Variants in SHTN1 observed in about 807,000 individuals in gnomAD.
SHTN1 encodes the protein shootin-1.
In SHTN1, 42 loss-of-function variants were observed where a neutral mutation model predicts 83.1. That is an observed-to-expected ratio of 0.51 (90% CI 0.39 to 0.65). SHTN1 has a LOEUF of 0.65. Among genes scored for constraint, SHTN1 ranks in the 30% least tolerant of loss-of-function variants. The probability of loss-of-function intolerance (pLI) is 0.00; values close to 1 mark genes in which losing one functional copy is unlikely to be tolerated. For missense variants in SHTN1, 622 were observed against 737.8 expected (o/e 0.84, Z 1.82); for synonymous variants, 224 against 247.7 (o/e 0.90, Z 0.90).
At chr10:116,911,450 T>C in intron 14 of SHTN1, 3 of 1,546,926 alleles carry the variant, frequency 1.9e-6, no homozygotes, top group Non-Finnish European at 2.6e-6. Flanking sequence ...TATTCATCTA[T>C]TATATTTCTG....
chr10:117,024,260 A>G (rs1036541190), intron 2 of SHTN1, among the ~76,000 whole-genome samples: 10 of 151,848 alleles, frequency 6.6e-5, no homozygotes, highest in African/African-American at 2.2e-4. Flanking sequence ...ACTGAAAAAG[A>G]GCATGAAGCA....
intron 2 of SHTN1, 86 bp downstream of exon 2, chr10:116,979,170 A>T: frequency 9.1e-7 from 1 of 1,098,818 alleles, no homozygotes; most frequent in Non-Finnish European, 1.4e-6. Context: ...ATTCACATTT[A>T]ACTGAAATTG....
At chr10:116,965,675 A>C (rs1347823404) in intron 3 of SHTN1, among the ~76,000 whole-genome samples, 2 of 152,242 alleles carry the variant, frequency 1.3e-5, no homozygotes, top group East Asian at 1.9e-4. Flanking sequence ...ACTGAAGGGC[A>C]ATCAGGCATT....
intron 1 of SHTN1, among the ~76,000 whole-genome samples, chr10:117,002,280 C>A (rs1851847578): frequency 6.6e-6 from 1 of 152,190 alleles, no homozygotes; most frequent in African/African-American, 2.4e-5. Context: ...GTCTTCTCTT[C>A]TAGAAAATTA....
At chr10:116,975,399 A>C (rs994742065) in intron 2 of SHTN1, among the ~76,000 whole-genome samples, 2 of 152,138 alleles carry the variant, frequency 1.3e-5, no homozygotes, top group African/African-American at 4.8e-5. Context: ...AAAGAGTAGG[A>C]ACCTTGTCTT....
intron 1 of SHTN1, among the ~76,000 whole-genome samples, chr10:117,119,996 A>AGC (rs1214356158): frequency 6.6e-6 from 1 of 152,158 alleles, no homozygotes; most frequent in Non-Finnish European, 1.5e-5. Flanking sequence ...AAACTCATGG[A>AGC]GCTAGAGAGT....
At chr10:116,922,163 G>A (rs911732867) in intron 11 of SHTN1, among the ~76,000 whole-genome samples, 2 of 152,054 alleles carry the variant, frequency 1.3e-5, no homozygotes, top group East Asian at 3.9e-4. Context: ...CAAAATGGAA[G>A]AGAACCTTGC....
At chr10:116,981,604 A>T (rs1354521010) in intron 1 of SHTN1, among the ~76,000 whole-genome samples, 1 of 152,244 alleles carries the variant, frequency 6.6e-6, no homozygotes, top group African/African-American at 2.4e-5. Context: ...AATTGTTTCA[A>T]AAAACAGATA....
intron 7 of SHTN1, among the ~76,000 whole-genome samples, chr10:116,945,773 C>A (rs546794591): frequency 6.6e-6 from 1 of 152,276 alleles, no homozygotes; most frequent in South Asian, 2.1e-4. Flanking sequence ...GATGACATGT[C>A]TAACATTTTT....
At chr10:117,046,196 A>AC (rs1491356544) in intron 2 of SHTN1, among the ~76,000 whole-genome samples, 24 of 151,956 alleles carry the variant, frequency 1.6e-4, no homozygotes, top group Non-Finnish European at 2.7e-4. Flanking sequence ...ACACACACAC[A>AC]AAAACTATAC....
At chr10:116,993,258 G>A (rs531343506) in intron 1 of SHTN1, among the ~76,000 whole-genome samples, 4 of 151,896 alleles carry the variant, frequency 2.6e-5, no homozygotes, top group South Asian at 4.2e-4. Context: ...CTCATGATCC[G>A]CCTGCCCTGA....
intron 1 of SHTN1, among the ~76,000 whole-genome samples, chr10:117,108,271 G>A (rs1564961838): frequency 6.6e-6 from 1 of 151,968 alleles, no homozygotes; most frequent in Non-Finnish European, 1.5e-5. Flanking sequence ...TGTTTATTGT[G>A]GCACTACTCG....
chr10:117,032,165 A>G (rs1011681246), intron 2 of SHTN1, among the ~76,000 whole-genome samples: 6 of 152,318 alleles, frequency 3.9e-5, no homozygotes, highest in African/African-American at 1.2e-4. Flanking sequence ...GACGGTCACT[A>G]TATAATGATA....
intron 8 of SHTN1, among the ~76,000 whole-genome samples, chr10:116,944,642 G>A (rs1375204580): frequency 6.6e-6 from 1 of 151,826 alleles, no homozygotes; most frequent in Non-Finnish European, 1.5e-5. Flanking sequence ...CTCACTTTGG[G>A]AGCACTTTGG....
At chr10:116,970,231 A>T (rs1850561740) in intron 2 of SHTN1, among the ~76,000 whole-genome samples, 2 of 152,294 alleles carry the variant, frequency 1.3e-5, no homozygotes, top group Middle Eastern at 6.8e-3. Context: ...TTCTATCAAA[A>T]TTGAATACAT....
At chr10:116,917,464 C>T (rs1848418925) in intron 12 of SHTN1, among the ~76,000 whole-genome samples, 1 of 152,094 alleles carries the variant, frequency 6.6e-6, no homozygotes, top group Non-Finnish European at 1.5e-5. Context: ...TCACTACGCC[C>T]AGCTAATTTT....
chr10:116,898,180 T>C (rs1847589331), intron 16 of SHTN1, among the ~76,000 whole-genome samples: 1 of 151,926 alleles, frequency 6.6e-6, no homozygotes, highest in Non-Finnish European at 1.5e-5. Context: ...CTACAAAAAT[T>C]AGCTGGGCAT....
At chr10:116,923,306 A>G (rs1016449179) in intron 11 of SHTN1, among the ~76,000 whole-genome samples, 3 of 152,216 alleles carry the variant, frequency 2.0e-5, no homozygotes, top group Non-Finnish European at 2.9e-5. Flanking sequence ...ATATCTGCAT[A>G]TAGCATCATT....
At position 116,885,985 on chromosome 10, in the gene SHTN1, T is replaced by C. The variant is rs1215533569; in HGVS notation, c.*359A>G. 2 of 226,026 alleles carry C rather than the reference T, an allele frequency of 8.8e-6. No individual in the cohort carries two copies. The highest frequency in any genetic ancestry group is 4.6e-5 in the African/African-American group (2 of 43,484). 14.0% of individuals were successfully genotyped at this position (226,026 alleles called of 1,614,324 possible). A position where few individuals can be genotyped will look rare whatever the true frequency, so the allele number is the denominator to read the frequency against. On this transcript the variant is annotated 3_prime_UTR_variant, in exon 17 of 17. Transcript: ENST00000355371. The stretch of plus-strand genomic sequence containing the variant: ...GATCAGTTTTGTTTATCCGATTATA[T>C]ACAAGCACCTCAAACTTTCAGCATT...
Sources: allele counts gnomAD v4.1 joint callset (sites outside exome capture counted in the v4.1 genomes callset), GRCh38; gene constraint gnomAD v4.1.1; transcripts MANE v1.5; gene names NCBI Gene and HGNC (gene_info 2026-07-23, HGNC 2026-07-21).